The following HABP4 variants were observed in gnomAD, a reference collection of about 807,000 sequenced individuals.
The protein encoded by HABP4 is intracellular hyaluronan-binding protein 4.
A neutral mutation model predicts 44.1 loss-of-function variants in HABP4; 32 were observed. The ratio of observed to expected loss-of-function variants is 0.73; its 90% CI spans 0.55 to 0.97. HABP4 has a LOEUF of 0.97. Among genes scored for constraint, HABP4 ranks in the 50% least tolerant of loss-of-function variants. HABP4 has a pLI of 0.00. For synonymous variants in HABP4, 216 were observed against 218.0 expected, an observed-to-expected ratio of 0.99 and a Z score of 0.08; for missense variants, 503 against 561.9, an observed-to-expected ratio of 0.90 and a Z score of 1.06.
chr9:96,487,680 A>T (rs1832999202), intron 6 of HABP4, among the ~76,000 whole-genome samples: 1 of 145,838 alleles, frequency 6.9e-6, no homozygotes, highest in Non-Finnish European at 1.5e-5. Context: ...GACAGAAAAT[A>T]AGCAGAAATG....
Position 96,450,474 on chromosome 9 carries a change from CG to C in HABP4, c.199del (p.Ala67ProfsTer116). On this transcript the variant is annotated frameshift_variant, in exon 1 of 8. Coordinates refer to ENST00000375249, the MANE Select transcript of HABP4 (RefSeq NM_014282.4). LOFTEE classifies it high-confidence loss of function. This position sits in a 1 kb window ranked among gnomAD's most constrained non-coding sequence, Gnocchi z 4.8. Reference sequence around the variant, plus strand: ...GGCGCGACGAGGCGGCGGCGGCGGCCGGGGCCGGTCCCCGCGGCGGCAGGAG... The same window carrying C: ...GGCGCGACGAGGCGGCGGCGGCGGCCGGGCCGGTCCCCGCGGCGGCAGGAG... The part of the protein sequence containing the change: ...KRRDEAAAAA[G>X]AGPRGGRSPA... 1.6e-6 allele frequency: 2 copies of C among 1,214,800 alleles called. No individual in the cohort carries two copies. Among genetic ancestry groups the C allele is most frequent in the Non-Finnish European group, 2.1e-6 (2 of 975,050 alleles). 75.3% of individuals were successfully genotyped at this position (1,214,800 alleles called of 1,614,324 possible). A position where few individuals can be genotyped will look rare whatever the true frequency, so the allele number is the denominator to read the frequency against.
chr9:96,462,365 C>T (rs1486200825), intron 2 of HABP4, among the ~76,000 whole-genome samples: 1 of 151,964 alleles, frequency 6.6e-6, no homozygotes, highest in Admixed American at 6.6e-5. Context: ...GCAGGATAAT[C>T]GCTTGAACCT....
At chr9:96,477,915 A>G (rs1397492601) in intron 5 of HABP4, among the ~76,000 whole-genome samples, 1 of 152,154 alleles carries the variant, frequency 6.6e-6, no homozygotes, top group Non-Finnish European at 1.5e-5. Context: ...ACTACAGATT[A>G]GTTTGCAGTT....
intron 1 of HABP4, among the ~76,000 whole-genome samples, chr9:96,456,772 AAAAAAAAAATAT>A (rs1300852733): frequency 4.2e-5 from 3 of 72,096 alleles, no homozygotes; most frequent in African/African-American, 1.2e-4. Context: ...AAAAAAAAAA[AAAAAAAAAATAT>A]ATATATATAT....
chr9:96,484,755 CAG>C, intron 6 of HABP4, 122 bp downstream of exon 6: 1 of 654,058 alleles, frequency 1.5e-6, no homozygotes, highest in Non-Finnish European at 2.8e-6. Context: ...TGTTTCTAAT[CAG>C]AGATGATGCA....
At chr9:96,465,294 G>T in intron 2 of HABP4, 43 bp from the exon 3 acceptor site, 2 of 1,323,912 alleles carry the variant, frequency 1.5e-6, no homozygotes, top group South Asian at 1.2e-5. Flanking sequence ...AGAGACCTTA[G>T]ACCTTTAATT....
At chr9:96,489,206 A>G (rs1304891297) in intron 7 of HABP4, among the ~76,000 whole-genome samples, 1 of 151,962 alleles carries the variant, frequency 6.6e-6, no homozygotes, top group African/African-American at 2.4e-5. Flanking sequence ...GTAGGGGTAT[A>G]TTTGGGGCCA....
At chr9:96,451,928 T>G (rs1208754660) in intron 1 of HABP4, among the ~76,000 whole-genome samples, 1 of 152,148 alleles carries the variant, frequency 6.6e-6, no homozygotes, top group Admixed American at 6.5e-5. Context: ...TCACCCTTTA[T>G]TTTTTAACAA....
At chr9:96,475,056 C>T (rs989176369) in intron 5 of HABP4, among the ~76,000 whole-genome samples, 5 of 152,078 alleles carry the variant, frequency 3.3e-5, no homozygotes, top group East Asian at 1.9e-4. Context: ...ATACCTGTGA[C>T]GACTCTTTGT....
chr9:96,456,099 G>A (rs2131114307), intron 1 of HABP4, among the ~76,000 whole-genome samples: 1 of 152,170 alleles, frequency 6.6e-6, no homozygotes, highest in East Asian at 1.9e-4. Flanking sequence ...CTCCACTTAT[G>A]ATAACATCTT....
chr9:96,465,318 T>C lies in HABP4; in HGVS notation c.513-19T>C, dbSNP rs75581093. On this transcript the variant is annotated intron_variant, in intron 2 of 7. Transcript: ENST00000375249. ...AGACCTTTAATTTACCAGTTTTTATTATATCCACTCCTTCCTAGACCAGGT... is the reference window on the plus strand; with the variant it reads ...AGACCTTTAATTTACCAGTTTTTATCATATCCACTCCTTCCTAGACCAGGT... 4,323 of 1,562,792 alleles carry C rather than the reference T, an allele frequency of 2.8e-3. 87 individuals carry two copies. In the African/African-American group the frequency reaches 0.048, roughly 17 times the overall value.
rs577479245 is a variant in HABP4, at chr9:96,481,770, G to A, written c.828-2692G>A. ...GTATCAAACAAATAAATGAGTAAAC[G>A]ACTGAATGCATGGATGGATGGTTTG... On this transcript the variant is annotated intron_variant, in intron 5 of 7. Transcript: ENST00000375249. 3.3e-5 allele frequency among the ~76,000 whole-genome samples: 5 copies of A among 152,040 alleles called. No homozygotes were observed. In the East Asian group the frequency reaches 5.8e-4, roughly 18 times the overall value.
At chr9:96,487,584 AC>A (rs569264247) in intron 6 of HABP4, among the ~76,000 whole-genome samples, 64 of 152,320 alleles carry the variant, frequency 4.2e-4, no homozygotes, top group African/African-American at 1.5e-3. Context: ...TATAATCAGC[AC>A]CCATGCTGAA....
intron 2 of HABP4, among the ~76,000 whole-genome samples, chr9:96,461,997 AATT>A (rs1188215966): frequency 2.0e-5 from 3 of 151,646 alleles, no homozygotes; most frequent in African/African-American, 7.3e-5. Context: ...CCTTATTAAA[AATT>A]CAAAAATTAG....
At chr9:96,489,098 C>T (rs1833030222) in intron 7 of HABP4, among the ~76,000 whole-genome samples, 2 of 152,152 alleles carry the variant, frequency 1.3e-5, no homozygotes, top group African/African-American at 2.4e-5. Flanking sequence ...CCTCCTGCTG[C>T]CCGGTTCCCT....
At chr9:96,475,253 G>A (rs957664844) in intron 5 of HABP4, among the ~76,000 whole-genome samples, 23 of 152,160 alleles carry the variant, frequency 1.5e-4, no homozygotes, top group African/African-American at 5.3e-4. Context: ...GCGGGCACCT[G>A]TAGTCCCAGC....
chr9:96,456,847 G>C (rs1367039338), intron 1 of HABP4, among the ~76,000 whole-genome samples: 1 of 118,544 alleles, frequency 8.4e-6, no homozygotes, highest in Non-Finnish European at 1.7e-5. Context: ...AAATGTCATA[G>C]CTATACAACT....
chr9:96,480,534 C>T (rs192926494), intron 5 of HABP4, among the ~76,000 whole-genome samples: 8 of 152,072 alleles, frequency 5.3e-5, no homozygotes, highest in Non-Finnish European at 1.0e-4. Flanking sequence ...AATTTTATAG[C>T]GAACATCTAT....
intron 1 of HABP4, among the ~76,000 whole-genome samples, chr9:96,452,664 TA>T (rs2131108093): frequency 6.6e-6 from 1 of 152,300 alleles, no homozygotes; most frequent in African/African-American, 2.4e-5. Flanking sequence ...AACAGCTCAT[TA>T]ATTTCCATTT....
Sources: gnomAD v4.1 joint callset for allele counts (sites outside exome capture counted in the v4.1 genomes callset) on GRCh38, gnomAD v4.1.1 for gene constraint, Gnocchi (gnomAD v3.1) non-coding constraint, MANE v1.5 for transcripts, NCBI Gene and HGNC (gene_info 2026-07-23, HGNC 2026-07-21) for gene names.